Variants in MYBPC1 observed in about 807,000 individuals in gnomAD.
MYBPC1 encodes the protein myosin binding protein C1.
MYBPC1 carries 52 observed loss-of-function variants against 147.1 expected under a neutral mutation model. The observed-to-expected ratio is 0.35, with a 90% confidence interval of 0.28 to 0.45. MYBPC1 has a LOEUF of 0.45. MYBPC1 is among the 20% of genes least tolerant of loss of function. The probability of loss-of-function intolerance (pLI) is 1.00; values close to 1 mark genes in which losing one functional copy is unlikely to be tolerated. For synonymous variants in MYBPC1, 477 were observed against 475.9 expected (o/e 1.00, Z -0.03); for missense variants, 1,228 against 1,440.3 (o/e 0.85, Z 2.39).
chr12:101,694,241 C>T, the MYBPC1 span, among the ~76,000 whole-genome samples: 38 of 152,330 alleles, frequency 2.5e-4, no homozygotes, highest in African/African-American at 8.4e-4. Flanking sequence ...CAGGAGTAAC[C>T]ACTATCAGGA....
At chr12:101,644,011 TG>T (rs1458118873) in intron 11 of MYBPC1, among the ~76,000 whole-genome samples, 1 of 152,160 alleles carries the variant, frequency 6.6e-6, no homozygotes, top group Admixed American at 6.5e-5. Flanking sequence ...GTAATTCTGC[TG>T]GAAGAATAAG....
Position 101,618,645 on chromosome 12 carries a change from T to C in MYBPC1, c.103+1402T>C, listed in dbSNP as rs558166547. 5.3e-5 allele frequency among the ~76,000 whole-genome samples: 8 copies of C among 152,294 alleles called. No homozygotes were observed. In the South Asian group the frequency reaches 1.7e-3, roughly 32 times the overall value. Reference sequence around the variant, plus strand: ...TGACCCTTAATTTGAAAAGTCACCATATTATACTTGTATGCTTAAATGAGA... The same window carrying C: ...TGACCCTTAATTTGAAAAGTCACCACATTATACTTGTATGCTTAAATGAGA... On this transcript the variant is annotated intron_variant, in intron 3 of 31. Transcript: ENST00000361466.
At chr12:101,684,542 T>A (rs1192457040) in intron 31 of MYBPC1, 118 bp downstream of exon 31, 1 of 777,152 alleles carries the variant, frequency 1.3e-6, no homozygotes, top group Non-Finnish European at 2.1e-6. Flanking sequence ...TTATTTTAAA[T>A]CCCTAACTTT....
intron 15 of MYBPC1, chr12:101,650,859 G>A (rs1894297104): frequency 3.1e-6 from 1 of 325,952 alleles, no homozygotes; most frequent in Non-Finnish European, 6.0e-6. Flanking sequence ...CTGTTGTGAA[G>A]CAGTAGAAAG....
At chr12:101,626,111 AAT>A (rs1407489472) in intron 3 of MYBPC1, among the ~76,000 whole-genome samples, 45 of 151,018 alleles carry the variant, frequency 3.0e-4, no homozygotes, top group Middle Eastern at 3.4e-3. Flanking sequence ...AAAAAAAAAA[AAT>A]TTATCCTTCT....
At chr12:101,690,181 A>C (rs185314840), downstream of MYBPC1, among the ~76,000 whole-genome samples, 3 of 152,290 alleles carry the variant, frequency 2.0e-5, no homozygotes, top group Non-Finnish European at 4.4e-5. Context: ...ATCTAAAAAA[A>C]AAAAGAAATG....
chr12:101,608,947 G>A (rs978986724), intron 1 of MYBPC1, among the ~76,000 whole-genome samples: 4 of 152,086 alleles, frequency 2.6e-5, no homozygotes, highest in African/African-American at 4.8e-5. Context: ...AGCTGCCCAC[G>A]GAATGCCAGG....
intron 8 of MYBPC1, 115 bp downstream of exon 8, chr12:101,632,253 T>C: frequency 1.3e-6 from 1 of 796,924 alleles, no homozygotes; most frequent in Non-Finnish European, 2.2e-6. Context: ...CCTTTAAAAC[T>C]GTTTCTGATT....
intron 22 of MYBPC1, among the ~76,000 whole-genome samples, chr12:101,665,677 G>T (rs1230890736): frequency 6.6e-6 from 1 of 152,146 alleles, no homozygotes; most frequent in Non-Finnish European, 1.5e-5. Flanking sequence ...AATGTGAAGA[G>T]ATGGGCTATT....
At chr12:101,686,695 G>T (rs1951352758), downstream of MYBPC1, among the ~76,000 whole-genome samples, 1 of 152,054 alleles carries the variant, frequency 6.6e-6, no homozygotes, top group Non-Finnish European at 1.5e-5. Flanking sequence ...ATTGTGACTT[G>T]TTGGTGGGCC....
intron 22 of MYBPC1, among the ~76,000 whole-genome samples, chr12:101,667,453 A>G (rs1486045067): frequency 3.9e-5 from 6 of 152,274 alleles, no homozygotes; most frequent in African/African-American, 1.4e-4. Context: ...AGTTACTATT[A>G]TTCAGGATGC....
At chr12:101,656,538 A>G (rs1313324454) in intron 18 of MYBPC1, among the ~76,000 whole-genome samples, 4 of 152,190 alleles carry the variant, frequency 2.6e-5, no homozygotes, top group African/African-American at 9.6e-5. Context: ...AAAAGAAAGT[A>G]TGAGTAACCA....
intron 6 of MYBPC1, among the ~76,000 whole-genome samples, chr12:101,630,030 C>T (rs754221670): frequency 1.3e-5 from 2 of 152,214 alleles, no homozygotes; most frequent in Non-Finnish European, 2.9e-5. Flanking sequence ...CTATATTCCA[C>T]TAAGCAGTTA....
intron 1 of MYBPC1, among the ~76,000 whole-genome samples, chr12:101,613,840 T>G (rs1885081256): frequency 6.6e-6 from 1 of 152,232 alleles, no homozygotes; most frequent in South Asian, 2.1e-4. Flanking sequence ...GGCTTAATTC[T>G]GTTTCCCAGT....
At chr12:101,675,551 G>C in intron 26 of MYBPC1, 120 bp downstream of exon 26, 1 of 1,453,528 alleles carries the variant, frequency 6.9e-7, no homozygotes, top group Non-Finnish European at 9.6e-7. Flanking sequence ...AAGTGATGTG[G>C]CAGAGCAGAA....
chr12:101,634,977 T>A (rs1890707219), intron 9 of MYBPC1, among the ~76,000 whole-genome samples: 1 of 152,170 alleles, frequency 6.6e-6, no homozygotes, highest in Non-Finnish European at 1.5e-5. Context: ...GGCAGAAAAC[T>A]TTTATTTATA....
intron 16 of MYBPC1, among the ~76,000 whole-genome samples, chr12:101,652,088 C>A (rs766555927): frequency 6.6e-6 from 1 of 152,138 alleles, no homozygotes; most frequent in African/African-American, 2.4e-5. Flanking sequence ...TAGAATCTGG[C>A]AAAGATCTAA....
At chr12:101,672,227 A>G (rs71464286) in intron 24 of MYBPC1, among the ~76,000 whole-genome samples, 4,416 of 152,220 alleles carry the variant, frequency 0.029, 120 homozygotes, top group Admixed American at 0.045. Context: ...AGCATCCCCA[A>G]CCACTCTTCA....
intron 11 of MYBPC1, among the ~76,000 whole-genome samples, chr12:101,643,078 A>C (rs1892393584): frequency 6.6e-6 from 1 of 152,228 alleles, no homozygotes; most frequent in Non-Finnish European, 1.5e-5. Flanking sequence ...AAAGAAAAAA[A>C]GGAGAGAAAG....
Sources: allele counts gnomAD v4.1 joint callset (sites outside exome capture counted in the v4.1 genomes callset), GRCh38; gene constraint gnomAD v4.1.1; transcripts MANE v1.5; gene names NCBI Gene and HGNC (gene_info 2026-07-23, HGNC 2026-07-21).